The following RBFOX1 variants were observed in gnomAD, a reference collection of about 807,000 sequenced individuals.
The protein encoded by RBFOX1 is RNA binding fox-1 homolog 1, also known as RNA binding protein fox-1 homolog 1.
Under a neutral mutation model 57.7 loss-of-function variants are expected in RBFOX1, and 8 were observed. That is an observed-to-expected ratio of 0.14 (90% confidence interval 0.08 to 0.25). RBFOX1 has a LOEUF of 0.25. Ranked by LOEUF, RBFOX1 falls within the 10% of genes least tolerant of loss-of-function variation. The probability of loss-of-function intolerance (pLI) is 1.00; values close to 1 mark genes in which losing one functional copy is unlikely to be tolerated. For synonymous variants in RBFOX1, 326 were observed against 222.4 expected (o/e 1.47, Z -4.15); for missense variants, 611 against 548.5 (o/e 1.11, Z -1.14).
chr16:5,973,085 G>C (rs1048729668), intron 4 of RBFOX1, among the ~76,000 whole-genome samples: 1 of 152,178 alleles, frequency 6.6e-6, no homozygotes, highest in South Asian at 2.1e-4. Context: ...AGAGTCAGCT[G>C]ACTACCTGCT....
chr16:6,582,643 AT>A (rs1417194589), intron 2 of RBFOX1, among the ~76,000 whole-genome samples: 3 of 151,866 alleles, frequency 2.0e-5, no homozygotes, highest in African/African-American at 7.3e-5. Flanking sequence ...TAAAATAAGG[AT>A]TTAGTCTTTT....
At chr16:7,470,386 G>C (rs1046322030) in intron 4 of RBFOX1, among the ~76,000 whole-genome samples, 4 of 152,186 alleles carry the variant, frequency 2.6e-5, no homozygotes, top group Non-Finnish European at 4.4e-5. Context: ...GATTGTAGGA[G>C]GAATGAATGG....
chr16:5,771,094 A>G (rs1207523957), intron 3 of RBFOX1, among the ~76,000 whole-genome samples: 1 of 152,180 alleles, frequency 6.6e-6, no homozygotes, highest in Non-Finnish European at 1.5e-5. Flanking sequence ...CTGCATTTTA[A>G]ACTGTGTAAA....
At chr16:6,191,659 C>A (rs1421800847) in intron 1 of RBFOX1, among the ~76,000 whole-genome samples, 1 of 152,020 alleles carries the variant, frequency 6.6e-6, no homozygotes, top group African/African-American at 2.4e-5. Flanking sequence ...GTTGCATGGT[C>A]CAAAAGGCAA....
intron 3 of RBFOX1, among the ~76,000 whole-genome samples, chr16:6,956,578 C>T (rs2081893264): frequency 1.3e-5 from 2 of 152,174 alleles, no homozygotes; most frequent in Admixed American, 1.3e-4. Flanking sequence ...TGCCTCTGGT[C>T]AGGTGTGGGA....
At position 6,019,237 on chromosome 16, in the gene RBFOX1, A is replaced by G. The variant is rs2095023033; in HGVS notation, c.-882A>G. ...GCTCTTGCTGGCCGTCTGGGTGCAC[A>G]CACCGCTCCCTCGATCACCCCAGCC... On this transcript the variant is annotated 5_prime_UTR_variant, in exon 1 of 16. Transcript: ENST00000550418. The surrounding 1 kb of genome is among the most constrained non-coding windows in gnomAD (Gnocchi z 4.2). 1.0e-6 allele frequency: 1 copy of G among 984,258 alleles called. No homozygotes were observed. The highest frequency in any genetic ancestry group is 1.2e-6 in the Non-Finnish European group (1 of 829,774). The allele number at this position is 984,258 out of a possible 1,614,324, so 61.0% of individuals were successfully genotyped here.
chr16:5,356,750 A>G (rs1249381450), intron 1 of RBFOX1, among the ~76,000 whole-genome samples: 1 of 152,218 alleles, frequency 6.6e-6, no homozygotes, highest in African/African-American at 2.4e-5. Context: ...TGCCTTGGAA[A>G]TCACTAGGCT....
At chr16:6,748,441 G>A (rs2154189058) in intron 3 of RBFOX1, among the ~76,000 whole-genome samples, 2 of 152,206 alleles carry the variant, frequency 1.3e-5, no homozygotes, top group South Asian at 4.2e-4. Context: ...CAGGAGGATT[G>A]CATAAGCCCA....
intron 5 of RBFOX1, among the ~76,000 whole-genome samples, chr16:7,540,155 C>T (rs3826225): frequency 0.12 from 18,955 of 152,244 alleles, 1,246 homozygotes; most frequent in African/African-American, 0.17. Flanking sequence ...AAGGCTCACT[C>T]TGCTACTTTA....
At chr16:5,457,321 G>A (rs939966974) in intron 1 of RBFOX1, among the ~76,000 whole-genome samples, 3 of 152,132 alleles carry the variant, frequency 2.0e-5, no homozygotes, top group Non-Finnish European at 4.4e-5. Context: ...TTTTAGTAGA[G>A]ATGGGGTTTC....
chr16:5,408,562 A>G (rs2066925577), intron 1 of RBFOX1, among the ~76,000 whole-genome samples: 1 of 152,168 alleles, frequency 6.6e-6, no homozygotes, highest in Non-Finnish European at 1.5e-5. Context: ...TGGCAGCGAC[A>G]GTGCTTCCTG....
At chr16:6,391,337 G>A (rs1283766985) in intron 2 of RBFOX1, among the ~76,000 whole-genome samples, 2 of 151,842 alleles carry the variant, frequency 1.3e-5, no homozygotes, top group African/African-American at 2.4e-5. Flanking sequence ...GTGAAACCCC[G>A]TCTCTACTAA....
At chr16:5,402,105 C>G (rs555349207) in intron 1 of RBFOX1, among the ~76,000 whole-genome samples, 1 of 151,930 alleles carries the variant, frequency 6.6e-6, no homozygotes, top group Non-Finnish European at 1.5e-5. Flanking sequence ...GGGGCATTTA[C>G]CAGTCCCAGG....
At position 7,595,596 on chromosome 16, in the gene RBFOX1, G is replaced by A. The variant is rs751982525; in HGVS notation, c.516G>A (p.Ala172=). ...TFENSADADR[A]REKLHGTVVE... ...AAAATAGTGCCGATGCGGACAGGGCGAGGGAGAAATTACACGGCACCGTGG... is the reference window on the plus strand; with the variant it reads ...AAAATAGTGCCGATGCGGACAGGGCAAGGGAGAAATTACACGGCACCGTGG... Residue 172 remains alanine, a synonymous_variant, in exon 8 of 16, where the codon GCG becomes GCA. Transcript: ENST00000550418. 2.5e-6 allele frequency: 4 copies of A among 1,571,826 alleles called. No homozygotes were observed. Among genetic ancestry groups the A allele is most frequent in the South Asian group, 2.4e-5 (2 of 83,026 alleles).
At chr16:6,535,830 C>T (rs1015909057) in intron 2 of RBFOX1, among the ~76,000 whole-genome samples, 9 of 152,114 alleles carry the variant, frequency 5.9e-5, no homozygotes, top group African/African-American at 1.7e-4. Flanking sequence ...TCAGTTTCTC[C>T]CTCTCTGTTC....
intron 3 of RBFOX1, among the ~76,000 whole-genome samples, chr16:6,726,329 G>A (rs1174415264): frequency 1.3e-5 from 2 of 151,508 alleles, no homozygotes; most frequent in African/African-American, 2.4e-5. Context: ...ATTACTACCT[G>A]TAAAGAGGCA....
At chr16:7,486,760 C>A (rs2065502950) in intron 4 of RBFOX1, among the ~76,000 whole-genome samples, 1 of 152,126 alleles carries the variant, frequency 6.6e-6, no homozygotes, top group South Asian at 2.1e-4. Context: ...GACAGAGATC[C>A]AGGCCGTTAC....
rs553171962 is a variant in RBFOX1 at position 6,540,455 on chromosome 16, T to G, written c.-63-114148T>G. ...GGTAAAACCCCATCTCTACTAAAAA[T>G]ACAAAAATTAGCCAGGTGTGGTGGC... On this transcript the variant is annotated intron_variant, in intron 2 of 15. Coordinates refer to ENST00000550418, the MANE Select transcript of RBFOX1 (RefSeq NM_018723.4). Among the ~76,000 whole-genome samples the G allele has an allele frequency of 2.3e-3, 353 of 151,658 alleles. 1 individual carries two copies. Among genetic ancestry groups the G allele is most frequent in the African/African-American group, 8.1e-3 (334 of 41,340 alleles).
intron 4 of RBFOX1, among the ~76,000 whole-genome samples, chr16:7,165,258 T>C (rs1333032155): frequency 6.6e-6 from 1 of 151,898 alleles, no homozygotes; most frequent in Non-Finnish European, 1.5e-5. Context: ...TGCTCCAAGA[T>C]GCCTAAGCAA....
Sources: gnomAD v4.1 joint callset for allele counts (sites outside exome capture counted in the v4.1 genomes callset) on GRCh38, gnomAD v4.1.1 for gene constraint, Gnocchi (gnomAD v3.1) non-coding constraint, MANE v1.5 for transcripts, NCBI Gene and HGNC (gene_info 2026-07-23, HGNC 2026-07-21) for gene names.